Variants in LPCAT2 observed in about 807,000 individuals in gnomAD.
The protein encoded by LPCAT2 is 1-AGP acyltransferase 11.
LPCAT2 carries 58 observed loss-of-function variants against 64.7 expected under a neutral mutation model. That is an observed-to-expected ratio of 0.90 (90% confidence interval 0.73 to 1.12). The LOEUF is 1.12. LPCAT2 is among the 50% of genes most tolerant of loss of function. The pLI is 0.00. For missense variants in LPCAT2, 579 were observed against 669.8 expected (o/e 0.86, Z 1.50); for synonymous variants, 252 against 245.3 (o/e 1.03, Z -0.26).
chr16:55,528,832 T>C (rs1963212282), intron 3 of LPCAT2, among the ~76,000 whole-genome samples: 1 of 152,196 alleles, frequency 6.6e-6, no homozygotes, highest in African/African-American at 2.4e-5. Flanking sequence ...GTCATTGTCT[T>C]TCTGTTCTTA....
At chr16:55,517,460 A>G (rs1004941686) in intron 1 of LPCAT2, among the ~76,000 whole-genome samples, 3 of 152,120 alleles carry the variant, frequency 2.0e-5, no homozygotes, top group Admixed American at 6.5e-5. Context: ...CCAAAAAATA[A>G]AAGAAGATGG....
At chr16:55,521,925 A>G (rs1963102034) in intron 1 of LPCAT2, among the ~76,000 whole-genome samples, 1 of 151,736 alleles carries the variant, frequency 6.6e-6, no homozygotes, top group Non-Finnish European at 1.5e-5. Flanking sequence ...GTTTCCTCAA[A>G]GGTTTGGAAT....
At chr16:55,566,221 A>G (rs1157672877) in intron 11 of LPCAT2, among the ~76,000 whole-genome samples, 1 of 152,172 alleles carries the variant, frequency 6.6e-6, no homozygotes, top group Non-Finnish European at 1.5e-5. Flanking sequence ...CATTTTAAAA[A>G]TCTCCCTTCT....
In LPCAT2 at chr16:55,509,189, G is replaced by C. The variant is rs865847771; in HGVS notation, c.8G>C (p.Arg3Pro). 1.4e-6 allele frequency: 2 copies of C among 1,396,662 alleles called. No individual in the cohort carries two copies. The highest frequency in any genetic ancestry group is 1.9e-6 in the Non-Finnish European group (2 of 1,070,232). 86.5% of individuals were successfully genotyped at this position (1,396,662 alleles called of 1,614,324 possible). MS[R>P]CAQAAEVAAT... ...TCTACGCCCGGCTCAACTATGAGCC[G>C]GTGCGCCCAGGCGGCGGAAGTGGCG... The change falls in exon 1 of 14, where the codon CGG becomes CCG. Residue 3 changes from arginine (R) to proline (P), a missense_variant. Transcript: ENST00000262134.
chr16:55,529,435 T>A (rs774444252), intron 3 of LPCAT2, among the ~76,000 whole-genome samples: 3 of 152,218 alleles, frequency 2.0e-5, no homozygotes, highest in Non-Finnish European at 4.4e-5. Context: ...AAAAATGTTC[T>A]ACTGAAAATT....
At chr16:55,542,672 C>T (rs183747488) in intron 8 of LPCAT2, among the ~76,000 whole-genome samples, 1 of 151,242 alleles carries the variant, frequency 6.6e-6, no homozygotes. Context: ...TGTAGATAGT[C>T]AGGGAGATGT....
intron 1 of LPCAT2, among the ~76,000 whole-genome samples, chr16:55,520,610 G>A (rs2142392705): frequency 6.6e-6 from 1 of 151,832 alleles, no homozygotes; most frequent in Admixed American, 6.5e-5. Flanking sequence ...CAAATGCTGG[G>A]TCATAAAAAA....
chr16:55,566,839 A>C, intron 11 of LPCAT2: 3 of 1,613,874 alleles, frequency 1.9e-6, no homozygotes, highest in Non-Finnish European at 2.5e-6. Context: ...GGAGGTGGTC[A>C]GAGAAGAGAA....
Position 55,565,511 on chromosome 16 carries a change from T to G in LPCAT2, c.1216-9120T>G, listed in dbSNP as rs150820469. On this transcript the variant is annotated intron_variant, in intron 11 of 13. Coordinates refer to ENST00000262134, the MANE Select transcript of LPCAT2 (RefSeq NM_017839.5). ...TGAGTATATTAATGCAATACAATATTATTCATCATTAGAAAGGAAGGGAAT... is the reference window on the plus strand; with the variant it reads ...TGAGTATATTAATGCAATACAATATGATTCATCATTAGAAAGGAAGGGAAT... 3.4e-3 allele frequency among the ~76,000 whole-genome samples: 513 copies of G among 152,238 alleles called. 18 individuals carry two copies. In the South Asian group the frequency reaches 0.064, roughly 19 times the overall value.
intron 1 of LPCAT2, among the ~76,000 whole-genome samples, chr16:55,517,262 C>T (rs1958932036): frequency 6.6e-6 from 1 of 152,024 alleles, no homozygotes; most frequent in Admixed American, 6.5e-5. Context: ...GGACCAATTT[C>T]TAGAAAGACA....
At chr16:55,546,109 C>T (rs1480699060) in intron 9 of LPCAT2, among the ~76,000 whole-genome samples, 1 of 152,026 alleles carries the variant, frequency 6.6e-6, no homozygotes, top group Non-Finnish European at 1.5e-5. Context: ...CCTAAGCTGG[C>T]CCGCCACTGT....
intron 8 of LPCAT2, among the ~76,000 whole-genome samples, chr16:55,544,208 T>C (rs1356832481): frequency 6.8e-6 from 1 of 146,064 alleles, no homozygotes; most frequent in East Asian, 2.1e-4. Flanking sequence ...CTTAATATGA[T>C]TGACAAGACT....
rs372436277 is a variant in LPCAT2 at position 55,527,699 on chromosome 16, G to T, written c.312-678G>T. Reference sequence around the variant, plus strand: ...TTGATAAATTAACTAATCTATAATGGCAGAATCTTTTTTAAAGGTTTTTTA... The same window carrying T: ...TTGATAAATTAACTAATCTATAATGTCAGAATCTTTTTTAAAGGTTTTTTA... On this transcript the variant is annotated intron_variant, in intron 2 of 13. Coordinates refer to ENST00000262134, the MANE Select transcript of LPCAT2 (RefSeq NM_017839.5). Among the ~76,000 whole-genome samples the T allele has an allele frequency of 2.8e-4, 43 of 152,150 alleles. No individual in the cohort carries two copies. In the East Asian group the frequency reaches 5.6e-3, roughly 20 times the overall value.
chr16:55,521,344 T>A (rs1421028524), intron 1 of LPCAT2, among the ~76,000 whole-genome samples: 1 of 151,776 alleles, frequency 6.6e-6, no homozygotes, highest in African/African-American at 2.4e-5. Context: ...TCCACACATA[T>A]ACATTTAAAG....
rs768557277 is a variant in LPCAT2 at position 55,582,903 on chromosome 16, T to G, written c.1451-11T>G. On this transcript the variant is annotated splice_polypyrimidine_tract_variant and intron_variant, in intron 13 of 13. Transcript: ENST00000262134. ...CCCCAACTTATTGGATTTTTTTTCT[T>G]TCTCTTCTAGAGGAATTTAAAAGTT... The G allele has an allele frequency of 3.6e-5, 57 of 1,572,946 alleles. 1 individual carries two copies. In the South Asian group the frequency reaches 5.3e-4, roughly 15 times the overall value.
chr16:55,531,601 G>A (rs1207349632), intron 4 of LPCAT2, among the ~76,000 whole-genome samples: 1 of 152,158 alleles, frequency 6.6e-6, no homozygotes, highest in Non-Finnish European at 1.5e-5. Flanking sequence ...GTAGCCTAAT[G>A]CACACTTTGA....
At chr16:55,522,343 T>C (rs559931693) in intron 1 of LPCAT2, among the ~76,000 whole-genome samples, 1 of 151,812 alleles carries the variant, frequency 6.6e-6, no homozygotes, top group South Asian at 2.1e-4. Flanking sequence ...AAGACTTACA[T>C]AGAGAGATAT....
intron 1 of LPCAT2, among the ~76,000 whole-genome samples, chr16:55,523,223 G>C (rs1369264177): frequency 6.6e-6 from 1 of 151,634 alleles, no homozygotes; most frequent in African/African-American, 2.4e-5. Flanking sequence ...TGTTCATCAA[G>C]GAAATGTGGA....
At position 55,585,818 on chromosome 16, in the gene LPCAT2, C is replaced by T. The variant is rs1338083916; in HGVS notation, c.*2720C>T. 1 of 152,144 alleles carries T rather than the reference C, an allele frequency of 6.6e-6. No homozygotes were observed. The allele number at this position is 152,144 out of a possible 1,614,324, so 9.4% of individuals were successfully genotyped here. On this transcript the variant is annotated 3_prime_UTR_variant, in exon 14 of 14. Transcript: ENST00000262134. ...CATCTGGTCTGCTCTCTGCATGAGG[C>T]ACAGCAGTAAAGCTCTTTGATTCCC...
Sources: gnomAD v4.1 joint callset for allele counts (sites outside exome capture counted in the v4.1 genomes callset) on GRCh38, gnomAD v4.1.1 for gene constraint, MANE v1.5 for transcripts, NCBI Gene and HGNC (gene_info 2026-07-23, HGNC 2026-07-21) for gene names.